Variants in DST observed in about 807,000 individuals in gnomAD.
DST encodes the protein bullous pemphigoid antigen.
A neutral mutation model predicts 875.2 loss-of-function variants in DST; 253 were observed. The ratio of observed to expected loss-of-function variants is 0.29; its 90% CI spans 0.26 to 0.32. The LOEUF (loss-of-function observed/expected upper bound fraction) is 0.32, where lower values mean the gene tolerates loss of function less well. Among genes scored for constraint, DST ranks in the 10% least tolerant of loss-of-function variants. The pLI is 1.00. For missense variants in DST, 8,287 were observed against 9,111.6 expected (o/e 0.91, Z 3.68); for synonymous variants, 3,124 against 3,197.1 (o/e 0.98, Z 0.77).
chr6:56,715,686 C>T (rs1398806874), intron 5 of DST, among the ~76,000 whole-genome samples: 1 of 152,188 alleles, frequency 6.6e-6, no homozygotes, highest in African/African-American at 2.4e-5. Flanking sequence ...CATGCCCAGA[C>T]AGACTTTTCA....
At chr6:56,582,593 TTTC>T (rs1319526613) in intron 49 of DST, among the ~76,000 whole-genome samples, 1 of 150,914 alleles carries the variant, frequency 6.6e-6, no homozygotes, top group Admixed American at 6.6e-5. Flanking sequence ...GTCTCAAGTA[TTTC>T]TTTTCTTTTT....
intron 102 of DST, chr6:56,461,558 GTTTTGA>G (rs1265338297): frequency 6.6e-6 from 1 of 152,150 alleles, no homozygotes; most frequent in Non-Finnish European, 1.5e-5. Flanking sequence ...TGCCTTGATT[GTTTTGA>G]TTTTATTTCA....
intron 16 of DST, 30 bp downstream of exon 16, chr6:56,642,380 C>T: frequency 6.6e-7 from 1 of 1,511,624 alleles, no homozygotes. Context: ...TCCTCTACCA[C>T]AACCCCAATG....
chr6:56,625,072 T>G (rs924786242), intron 35 of DST, 85 bp downstream of exon 35: 4 of 971,728 alleles, frequency 4.1e-6, no homozygotes, highest in African/African-American at 1.6e-5. Context: ...ACTATGTATA[T>G]TTTACCACAA....
rs1289523648 is a variant in DST, at chr6:56,593,732, A to T, written c.12657T>A (p.Ser4219=). ...TGCGCTGCACTTCTCTGTGGGTTGC[A>T]GAAGTATCAACCTTGCCACCGTCTC... ...SKRDGGKVDT[S]ATHREVQRKL... The change falls in exon 48 of 104, where the codon TCT becomes TCA. Residue 4219 remains serine (S), a synonymous_variant. Coordinates refer to ENST00000680361, the MANE Select transcript of DST (RefSeq NM_001374736.1). 10 of 1,613,828 alleles carry T rather than the reference A, an allele frequency of 6.2e-6. No homozygotes were observed. Among genetic ancestry groups the T allele is most frequent in the Non-Finnish European group, 8.5e-6 (10 of 1,179,772 alleles).
intron 79 of DST, 57 bp downstream of exon 79, chr6:56,501,463 A>G: frequency 7.7e-7 from 1 of 1,295,876 alleles, no homozygotes; most frequent in Non-Finnish European, 1.0e-6. Context: ...TAATTATTTT[A>G]CATTAATATC....
At position 56,628,198 on chromosome 6, in the gene DST, C is replaced by A. The variant is rs765034682; in HGVS notation, c.4476-37G>T. On this transcript the variant is annotated intron_variant, in intron 32 of 103. Coordinates refer to ENST00000680361, the MANE Select transcript of DST (RefSeq NM_001374736.1). ...GTAACCGAATAGTCACGGTGTCCAG[C>A]GATATCCATCAGGAGGGTGGAAGAT... The A allele has an allele frequency of 2.5e-6, 4 of 1,579,340 alleles. No homozygotes were observed. The East Asian group carries it at 9.0e-5, about 35-fold the overall frequency.
chr6:56,855,294 A>G (rs947468324), intron 3 of DST, among the ~76,000 whole-genome samples: 3 of 152,262 alleles, frequency 2.0e-5, no homozygotes, highest in Non-Finnish European at 4.4e-5. Flanking sequence ...CCTACAACAA[A>G]TAATATTTCT....
intron 10 of DST, among the ~76,000 whole-genome samples, chr6:56,669,095 C>T (rs1391842237): frequency 2.0e-5 from 3 of 151,932 alleles, no homozygotes; most frequent in South Asian, 2.1e-4. Context: ...AATGAGAGAA[C>T]ACGAGTATAG....
At chr6:56,540,770 T>C (rs73746903) in intron 61 of DST, 33 of 152,786 alleles carry the variant, frequency 2.2e-4, no homozygotes, top group African/African-American at 6.5e-4. Flanking sequence ...ACCATTTACA[T>C]GTTTTGCTTC....
At chr6:56,615,120 C>T in intron 36 of DST, 2 of 1,040,640 alleles carry the variant, frequency 1.9e-6, no homozygotes, top group South Asian at 3.5e-5. Flanking sequence ...TCTTTGATTC[C>T]ATGGTGCTTC....
intron 61 of DST, among the ~76,000 whole-genome samples, chr6:56,538,914 T>C (rs569642183): frequency 3.3e-5 from 5 of 152,288 alleles, no homozygotes; most frequent in South Asian, 2.1e-4. Flanking sequence ...ATGTTAAAGA[T>C]AGAATTTGGC....
At chr6:56,842,628 GA>G (rs986745558) in intron 4 of DST, among the ~76,000 whole-genome samples, 2 of 152,030 alleles carry the variant, frequency 1.3e-5, no homozygotes, top group Non-Finnish European at 2.9e-5. Context: ...TCATTTTAAG[GA>G]AAATGATCTA....
intron 9 of DST, among the ~76,000 whole-genome samples, chr6:56,687,428 C>G (rs904098669): frequency 6.6e-6 from 1 of 152,018 alleles, no homozygotes; most frequent in Non-Finnish European, 1.5e-5. Context: ...GTTCCTGTTC[C>G]CACTATTTTC....
chr6:56,938,108 C>CTCTATATATA (rs1383243392), intron 2 of DST, among the ~76,000 whole-genome samples: 18 of 120,754 alleles, frequency 1.5e-4, no homozygotes, highest in African/African-American at 5.6e-4. Flanking sequence ...CTCTCTCTCT[C>CTCTATATATA]TATATATATA....
intron 5 of DST, among the ~76,000 whole-genome samples, chr6:56,707,697 C>T (rs995623784): frequency 6.6e-6 from 1 of 152,224 alleles, no homozygotes; most frequent in East Asian, 1.9e-4. Flanking sequence ...GAACACTTAT[C>T]TCATAGTAAG....
At chr6:56,499,416 A>C (rs2096042977) in intron 80 of DST, among the ~76,000 whole-genome samples, 1 of 152,168 alleles carries the variant, frequency 6.6e-6, no homozygotes, top group Admixed American at 6.6e-5. Context: ...TAAGAGTAGG[A>C]TCACTCTCAG....
chr6:56,938,124 A>C (rs1165103114), intron 2 of DST, among the ~76,000 whole-genome samples: 1 of 142,380 alleles, frequency 7.0e-6, no homozygotes, highest in Non-Finnish European at 1.5e-5. Context: ...ATATATATAT[A>C]TATATATGTT....
intron 34 of DST, among the ~76,000 whole-genome samples, chr6:56,626,524 A>G (rs1422651087): frequency 2.0e-5 from 3 of 152,208 alleles, no homozygotes; most frequent in Non-Finnish European, 2.9e-5. Context: ...AAGCTGTAAC[A>G]TGTAGGTTTA....
Sources: allele counts gnomAD v4.1 joint callset (sites outside exome capture counted in the v4.1 genomes callset), GRCh38; gene constraint gnomAD v4.1.1; transcripts MANE v1.5; gene names NCBI Gene and HGNC (gene_info 2026-07-23, HGNC 2026-07-21).